The following MAP2K3 variants were observed in gnomAD, a reference collection of about 807,000 sequenced individuals.
MAP2K3 encodes mitogen-activated protein kinase kinase 3, also known as dual specificity mitogen-activated protein kinase kinase 3.
MAP2K3 carries 30 observed loss-of-function variants against 46.4 expected under a neutral mutation model. The observed-to-expected ratio is 0.65, with a 90% CI of 0.48 to 0.88. MAP2K3 has a LOEUF of 0.88. Among genes scored for constraint, MAP2K3 ranks in the 40% least tolerant of loss-of-function variants. The pLI is 0.00. For synonymous variants in MAP2K3, 189 were observed against 176.3 expected (o/e 1.07, Z -0.57); for missense variants, 380 against 464.5 (o/e 0.82, Z 1.67).
chr17:21,286,884 G>T (rs1265352918), intron 1 of MAP2K3, among the ~76,000 whole-genome samples: 1 of 152,172 alleles, frequency 6.6e-6, no homozygotes, highest in African/African-American at 2.4e-5. Context: ...GTCTCTTTGG[G>T]GTCTGGGGAA....
chr17:21,301,143 C>G (rs892618577), intron 5 of MAP2K3, 150 bp downstream of exon 5: 547 of 1,371,020 alleles, frequency 4.0e-4, no homozygotes, highest in Non-Finnish European at 5.3e-4. Flanking sequence ...CTGTTACTGT[C>G]CTGCTCAGTG....
At chr17:21,285,196 G>C (rs1410437428) in intron 1 of MAP2K3, 1 of 976,604 alleles carries the variant, frequency 1.0e-6, no homozygotes, top group Non-Finnish European at 1.2e-6. Flanking sequence ...AGATCACCCA[G>C]GCTGGACCCA....
chr17:21,284,766 A>C lies in MAP2K3; in HGVS notation c.-155A>C. 1.4e-6 allele frequency: 1 copy of C among 729,590 alleles called. No homozygotes were observed. The highest frequency in any genetic ancestry group is 2.1e-6 in the Non-Finnish European group (1 of 480,662). 45.2% of individuals were successfully genotyped at this position (729,590 alleles called of 1,614,324 possible). A position where few individuals can be genotyped will look rare whatever the true frequency, so the allele number is the denominator to read the frequency against. On this transcript the variant is annotated 5_prime_UTR_variant, in exon 1 of 12. Transcript: ENST00000342679. ...TCGTCCTTGCTGCAGTCGCCGCCGC[A>C]GTCCTCGCCGCAGTCGCCGCCGCCG...
intron 9 of MAP2K3, among the ~76,000 whole-genome samples, chr17:21,308,434 C>T (rs1977006459): frequency 1.3e-5 from 2 of 152,298 alleles, no homozygotes; most frequent in African/African-American, 2.4e-5. Flanking sequence ...AGGCGTGAAC[C>T]ACCACGCCCA....
At position 21,310,229 on chromosome 17, in the gene MAP2K3, G is replaced by A. The variant is rs566220013; in HGVS notation, c.775-1913G>A. Among the ~76,000 whole-genome samples the A allele has an allele frequency of 1.5e-3, 234 of 151,992 alleles. 1 individual carries two copies. Among genetic ancestry groups the A allele is most frequent in the African/African-American group, 5.5e-3 (227 of 41,452 alleles). ...TCTCCATGTTGGTCAGACTGGTCTC[G>A]AACCCCCGACCTCAAGTGATCTGCC... On this transcript the variant is annotated intron_variant, in intron 9 of 11. Coordinates refer to ENST00000342679, the MANE Select transcript of MAP2K3 (RefSeq NM_145109.3).
chr17:21,285,597 T>C (rs1975701295), intron 1 of MAP2K3, among the ~76,000 whole-genome samples: 1 of 152,180 alleles, frequency 6.6e-6, no homozygotes, highest in Non-Finnish European at 1.5e-5. Flanking sequence ...CACCCTGTCC[T>C]GCAGCCCTGG....
chr17:21,312,581 T>C (rs928841256), intron 10 of MAP2K3, among the ~76,000 whole-genome samples: 1 of 152,116 alleles, frequency 6.6e-6, no homozygotes, highest in African/African-American at 2.4e-5. Flanking sequence ...ATCTAGAACT[T>C]TGTACCAAAT....
chr17:21,295,047 G>C (rs929359363), intron 1 of MAP2K3, among the ~76,000 whole-genome samples: 1 of 152,310 alleles, frequency 6.6e-6, no homozygotes, highest in South Asian at 2.1e-4. Context: ...TGGGGCCTGC[G>C]CAGTCAGGCA....
At chr17:21,302,079 C>T in intron 5 of MAP2K3, 64 bp from the exon 6 acceptor site, 1 of 1,497,352 alleles carries the variant, frequency 6.7e-7, no homozygotes, top group Non-Finnish European at 9.3e-7. Context: ...CTGGGGCAGG[C>T]AGTGCAGGTG....
intron 9 of MAP2K3, 28 bp from the exon 10 acceptor site, chr17:21,312,114 G>A: frequency 6.7e-7 from 1 of 1,498,282 alleles, no homozygotes; most frequent in South Asian, 1.3e-5. Context: ...CTGGGGCCGG[G>A]GCCTCTGACC....
At chr17:21,302,871 G>A (rs1162065802) in intron 6 of MAP2K3, among the ~76,000 whole-genome samples, 2 of 152,310 alleles carry the variant, frequency 1.3e-5, no homozygotes, top group African/African-American at 4.8e-5. Context: ...CGGGAGGGGA[G>A]ATGGGACAGG....
At chr17:21,294,247 C>G (rs1976112640) in intron 1 of MAP2K3, among the ~76,000 whole-genome samples, 1 of 130,124 alleles carries the variant, frequency 7.7e-6, no homozygotes, top group Admixed American at 7.8e-5. Context: ...GGCTCCTTCC[C>G]TGGCAGGCCC....
Position 21,312,223 on chromosome 17 carries a change from T to TC in MAP2K3, c.862dup (p.Gln288ProfsTer88), listed in dbSNP as rs1444828088. On this transcript the variant is annotated frameshift_variant, in exon 10 of 12. Transcript: ENST00000342679. LOFTEE classifies it high-confidence loss of function. ...GCTGAAGCAGGTGGTGGAGGAGCCG[T>TC]CCCCCCAGCTCCCAGCCGACCGTTT... 6.2e-7 allele frequency: 1 copy of TC among 1,601,928 alleles called. No homozygotes were observed. The highest frequency in any genetic ancestry group is 1.1e-5 in the South Asian group (1 of 89,648).
chr17:21,288,304 C>T (rs1036105761), intron 1 of MAP2K3, among the ~76,000 whole-genome samples: 5 of 152,182 alleles, frequency 3.3e-5, no homozygotes, highest in African/African-American at 1.2e-4. Context: ...CTGTGCCCCA[C>T]CCAGGAACTT....
rs529667467 is a variant in MAP2K3, at chr17:21,314,578, A to G, written c.*348A>G. 1 of 302,040 alleles carries G rather than the reference A, an allele frequency of 3.3e-6. No individual in the cohort carries two copies. The highest frequency in any genetic ancestry group is 6.3e-6 in the Non-Finnish European group (1 of 158,926). The allele number at this position is 302,040 out of a possible 1,614,324, so 18.7% of individuals were successfully genotyped here. ...CTGCCAGTGCCTGGGTGGATGGGCC[A>G]CCGCCTTGCCCAGCCTGGATGCCAT... On this transcript the variant is annotated 3_prime_UTR_variant, in exon 12 of 12. Transcript: ENST00000342679.
chr17:21,296,798 C>T (rs1976278087), intron 1 of MAP2K3, among the ~76,000 whole-genome samples: 1 of 152,310 alleles, frequency 6.6e-6, no homozygotes, highest in Non-Finnish European at 1.5e-5. Context: ...GGTGTTGCTG[C>T]ATCTTAAAAT....
chr17:21,303,095 A>C lies in MAP2K3; in HGVS notation c.517-88A>C, dbSNP rs964123017. ...CAGCGGGAGCGGGAGACAGGTGGAC[A>C]TGGATGGGGTCTTACTGCTCTGTCG... is the stretch of plus-strand genomic sequence containing the variant. On this transcript the variant is annotated intron_variant, in intron 6 of 11. Coordinates refer to ENST00000342679, the MANE Select transcript of MAP2K3 (RefSeq NM_145109.3). 15 of 1,553,870 alleles carry C rather than the reference A, an allele frequency of 9.7e-6. No homozygotes were observed. In the South Asian group the frequency reaches 1.5e-4, roughly 16 times the overall value.
At position 21,284,742 on chromosome 17, in the gene MAP2K3, C is replaced by A. The variant is rs567927037; in HGVS notation, c.-179C>A. 5.2e-6 allele frequency: 3 copies of A among 576,668 alleles called. No individual in the cohort carries two copies. Among genetic ancestry groups the A allele is most frequent in the Admixed American group, 8.7e-5 (2 of 22,866 alleles). 35.7% of individuals were successfully genotyped at this position (576,668 alleles called of 1,614,324 possible). ...TCTCCGGCGCCGCCCGTCGCGGACT[C>A]GTCCTTGCTGCAGTCGCCGCCGCAG... On this transcript the variant is annotated 5_prime_UTR_variant, in exon 1 of 12. Transcript: ENST00000342679.
intron 1 of MAP2K3, chr17:21,285,368 C>A: frequency 1.3e-6 from 1 of 799,450 alleles, no homozygotes; most frequent in Admixed American, 6.2e-5. Flanking sequence ...TTGGGCAGCA[C>A]CCAGTCCCAT....
Sources: allele counts gnomAD v4.1 joint callset (sites outside exome capture counted in the v4.1 genomes callset), GRCh38; gene constraint gnomAD v4.1.1; transcripts MANE v1.5; gene names NCBI Gene and HGNC (gene_info 2026-07-23, HGNC 2026-07-21).